Variants in CDH18 observed in about 807,000 individuals in gnomAD.
CDH18 encodes the protein cadherin 18.
A neutral mutation model predicts 67.9 loss-of-function variants in CDH18; 31 were observed. That is an observed-to-expected ratio of 0.46 (90% confidence interval 0.34 to 0.62). The LOEUF (loss-of-function observed/expected upper bound fraction) is 0.62, where lower values mean the gene tolerates loss of function less well. Among genes scored for constraint, CDH18 ranks in the 20% least tolerant of loss-of-function variants. The pLI is 0.01. For synonymous variants in CDH18, 362 were observed against 347.2 expected (o/e 1.04, Z -0.48); for missense variants, 890 against 975.5 (o/e 0.91, Z 1.17).
intron 2 of CDH18, among the ~76,000 whole-genome samples, chr5:20,117,761 A>T (rs958855119): frequency 6.6e-6 from 1 of 152,226 alleles, no homozygotes; most frequent in African/African-American, 2.4e-5. Flanking sequence ...ATGCTCTGGA[A>T]CATGAATCGA....
At chr5:19,503,942 AAGAG>A (rs1443146591) in intron 10 of CDH18, among the ~76,000 whole-genome samples, 4 of 145,880 alleles carry the variant, frequency 2.7e-5, no homozygotes, top group Non-Finnish European at 3.1e-5. Context: ...ACGAGAAACA[AAGAG>A]AGAGAAGATA....
chr5:20,560,468 T>TACACACACACAC (rs547246325), intron 1 of CDH18, among the ~76,000 whole-genome samples: 281 of 127,700 alleles, frequency 2.2e-3, no homozygotes, highest in Non-Finnish European at 2.5e-3. Flanking sequence ...CCAACACTCA[T>TACACACACACAC]ACACACACAC....
At chr5:20,564,174 A>G in intron 1 of CDH18, among the ~76,000 whole-genome samples, 1 of 152,144 alleles carries the variant, frequency 6.6e-6, no homozygotes, top group African/African-American at 2.4e-5. Context: ...CTTACATTTC[A>G]GCCATGGTGA....
chr5:20,154,488 C>A (rs1405024317), intron 2 of CDH18, among the ~76,000 whole-genome samples: 1 of 152,002 alleles, frequency 6.6e-6, no homozygotes, highest in African/African-American at 2.4e-5. Context: ...TCATTTTTTC[C>A]AATTGCTTTT....
At chr5:19,766,184 C>T (rs1390242220) in intron 3 of CDH18, among the ~76,000 whole-genome samples, 1 of 152,120 alleles carries the variant, frequency 6.6e-6, no homozygotes, top group African/African-American at 2.4e-5. Flanking sequence ...CGACCCAGAA[C>T]TTTTTCAATC....
intron 6 of CDH18, among the ~76,000 whole-genome samples, chr5:19,595,348 T>C (rs1443923933): frequency 2.0e-5 from 3 of 152,092 alleles, no homozygotes; most frequent in African/African-American, 7.2e-5. Flanking sequence ...AAAAGACAAA[T>C]AAATGGAAAG....
At chr5:20,358,227 G>A (rs1244803121) in intron 1 of CDH18, among the ~76,000 whole-genome samples, 1 of 152,030 alleles carries the variant, frequency 6.6e-6, no homozygotes, top group Non-Finnish European at 1.5e-5. Flanking sequence ...TGGGCAAAAG[G>A]TTCAGTCATA....
intron 2 of CDH18, among the ~76,000 whole-genome samples, chr5:20,198,387 G>T (rs1739160396): frequency 6.6e-6 from 1 of 152,126 alleles, no homozygotes; most frequent in African/African-American, 2.4e-5. Context: ...GAACTTGTTG[G>T]GAATTGGAGG....
intron 7 of CDH18, among the ~76,000 whole-genome samples, chr5:19,578,855 T>A (rs1299928531): frequency 6.6e-6 from 1 of 152,010 alleles, no homozygotes; most frequent in Non-Finnish European, 1.5e-5. Context: ...GTTGTTGCAG[T>A]TAATACATTT....
At chr5:20,466,914 T>C (rs984193665) in intron 1 of CDH18, among the ~76,000 whole-genome samples, 1 of 152,064 alleles carries the variant, frequency 6.6e-6, no homozygotes, top group African/African-American at 2.4e-5. Context: ...ATCACCCTCA[T>C]AAAATGATCA....
At chr5:20,313,638 G>A (rs548067098) in intron 1 of CDH18, among the ~76,000 whole-genome samples, 1 of 152,072 alleles carries the variant, frequency 6.6e-6, no homozygotes, top group Non-Finnish European at 1.5e-5. Context: ...GATTATGAGA[G>A]AAGTTTGTAG....
intron 1 of CDH18, among the ~76,000 whole-genome samples, chr5:20,276,082 T>C (rs1683002761): frequency 3.3e-5 from 5 of 152,198 alleles, no homozygotes; most frequent in Admixed American, 3.3e-4. Context: ...TCTGAGGTTC[T>C]AAATAATCTT....
intron 1 of CDH18, among the ~76,000 whole-genome samples, chr5:20,256,872 G>A (rs914433836): frequency 6.6e-6 from 1 of 151,918 alleles, no homozygotes; most frequent in African/African-American, 2.4e-5. Context: ...AGGAAAGTAG[G>A]AAATGGGCTG....
In CDH18 at chr5:20,105,558, A is replaced by C. The variant is rs1366956127; in HGVS notation, c.-517-113544T>G. ...ACTTCTTCATCTCACCCAAAGAGAA[A>C]CTGTAAACAACCCCATCATTCCCTC... On this transcript the variant is annotated intron_variant, in intron 2 of 14. Transcript: ENST00000507958. Among the ~76,000 whole-genome samples, 3 of 152,280 alleles carry C rather than the reference A, an allele frequency of 2.0e-5. No homozygotes were observed. In the East Asian group the frequency reaches 5.8e-4, roughly 29 times the overall value.
At chr5:20,361,595 TA>T (rs1329752375) in intron 1 of CDH18, among the ~76,000 whole-genome samples, 8 of 152,224 alleles carry the variant, frequency 5.3e-5, no homozygotes, top group African/African-American at 1.9e-4. Flanking sequence ...CTAAAACAGA[TA>T]ACTAAAATGC....
At chr5:19,628,559 G>A (rs1353889297) in intron 5 of CDH18, among the ~76,000 whole-genome samples, 3 of 151,998 alleles carry the variant, frequency 2.0e-5, no homozygotes, top group Non-Finnish European at 4.4e-5. Context: ...GTCATGTGGT[G>A]TGAAAGGAAA....
rs536569813 is a variant in CDH18, at chr5:19,752,885, C to A, written c.229-5649G>T. On this transcript the variant is annotated intron_variant, in intron 3 of 12. Coordinates refer to ENST00000382275, the MANE Select transcript of CDH18 (RefSeq NM_004934.5). ...GTACAGACAACACCCAGTATTAGCC[C>A]AGAGCCTGGTAGACTTTTTGGGTGG... Among the ~76,000 whole-genome samples the A allele has an allele frequency of 8.8e-4, 134 of 152,262 alleles. No homozygotes were observed. In the South Asian group the frequency reaches 0.012, roughly 13 times the overall value.
chr5:19,747,088 A>G lies in CDH18; in HGVS notation c.377T>C (p.Leu126Pro). Residue 126 changes from leucine to proline, a missense_variant, in exon 4 of 13, where the codon CTT (leucine) becomes CCT (proline). By Grantham distance (98) the Leu-to-Pro change is moderately conservative. Coordinates refer to ENST00000382275, the MANE Select transcript of CDH18 (RefSeq NM_004934.5). ...ACGTCTATCAATAGCTTGAGCATGA[A>G]GCACATAGTGGGTCTTCTGCTCTCT... The part of the protein sequence containing the change: ...LDREQKTHYV[L>P]HAQAIDRRTN... The G allele has an allele frequency of 6.2e-7, 1 of 1,614,128 alleles. No individual in the cohort carries two copies. Among genetic ancestry groups the G allele is most frequent in the South Asian group, 1.1e-5 (1 of 91,076 alleles).
intron 5 of CDH18, among the ~76,000 whole-genome samples, chr5:19,705,008 A>G (rs909724356): frequency 6.6e-6 from 1 of 152,226 alleles, no homozygotes; most frequent in Non-Finnish European, 1.5e-5. Flanking sequence ...CAATTCCTGC[A>G]GTAAACAACC....
Sources: allele counts gnomAD v4.1 joint callset (sites outside exome capture counted in the v4.1 genomes callset), GRCh38; gene constraint gnomAD v4.1.1; transcripts MANE v1.5; gene names NCBI Gene and HGNC (gene_info 2026-07-23, HGNC 2026-07-21).